LRPPRC: variants seen among roughly 807,000 people sequenced by gnomAD.
The protein encoded by LRPPRC is leucine rich pentatricopeptide repeat containing.
Under a neutral mutation model 180.3 loss-of-function variants are expected in LRPPRC, and 120 were observed. The ratio of observed to expected loss-of-function variants is 0.67; its 90% CI spans 0.57 to 0.77. The LOEUF is 0.77. Ranked by LOEUF, LRPPRC falls within the 30% of genes least tolerant of loss-of-function variation. The pLI, the probability that LRPPRC is intolerant of heterozygous loss-of-function variation, is 0.00. For synonymous variants in LRPPRC, 723 were observed against 600.0 expected (o/e 1.21, Z -3.00); for missense variants, 2,012 against 1,657.2 (o/e 1.21, Z -3.72).
At chr2:43,992,031 C>T (rs903089096) in intron 1 of LRPPRC, among the ~76,000 whole-genome samples, 1 of 152,200 alleles carries the variant, frequency 6.6e-6, no homozygotes, top group African/African-American at 2.4e-5. Context: ...GAGTAAGACA[C>T]AGTATCTGCC....
intron 23 of LRPPRC, among the ~76,000 whole-genome samples, chr2:43,937,823 T>A (rs1009171469): frequency 7.2e-5 from 11 of 152,246 alleles, no homozygotes; most frequent in Admixed American, 2.6e-4. Context: ...ATGAAATCAG[T>A]AAGGGAAGCA....
chr2:43,925,847 C>CAGTA, intron 26 of LRPPRC, 46 bp downstream of exon 26: 1 of 1,275,416 alleles, frequency 7.8e-7, no homozygotes, highest in Non-Finnish European at 1.1e-6. Context: ...CCCTTGCCTT[C>CAGTA]TACTCACACT....
intron 20 of LRPPRC, 78 bp from the exon 21 acceptor site, chr2:43,946,321 G>A: frequency 8.8e-7 from 1 of 1,137,008 alleles, no homozygotes; most frequent in East Asian, 2.4e-5. Flanking sequence ...TTACTGTTCA[G>A]AGTTTAGAAA....
intron 25 of LRPPRC, among the ~76,000 whole-genome samples, chr2:43,933,633 TAAAA>T (rs1294989575): frequency 6.6e-6 from 1 of 152,108 alleles, no homozygotes; most frequent in Non-Finnish European, 1.5e-5. Flanking sequence ...AAAGCCTAGA[TAAAA>T]TATACTAATC....
rs117079932 is a variant in LRPPRC at position 43,993,812 on chromosome 2, G to C, written c.149+1987C>G. On this transcript the variant is annotated intron_variant, in intron 1 of 37. Transcript: ENST00000260665. ...TGTGCCACGAATAAATCTACAGTGG[G>C]ACCGGCATGTTTTGGATTGAGTGTT... is the stretch of plus-strand genomic sequence containing the variant. 1.8e-3 allele frequency among the ~76,000 whole-genome samples: 269 copies of C among 151,964 alleles called. 8 individuals carry two copies. The East Asian group carries it at 0.039, about 22-fold the overall frequency.
chr2:43,943,032 G>C (rs1254478843), intron 23 of LRPPRC, among the ~76,000 whole-genome samples: 1 of 151,930 alleles, frequency 6.6e-6, no homozygotes, highest in Admixed American at 6.6e-5. Flanking sequence ...AATTTAAAAA[G>C]CAAAACAGAA....
intron 32 of LRPPRC, 142 bp from the exon 33 acceptor site, chr2:43,899,747 A>G (rs1670820032): frequency 1.6e-6 from 1 of 630,640 alleles, no homozygotes; most frequent in Non-Finnish European, 2.8e-6. Context: ...AACCAAATAA[A>G]CACTAGGCAA....
rs188719590 is a variant in LRPPRC at position 43,991,115 on chromosome 2, C to T, written c.149+4684G>A. On this transcript the variant is annotated intron_variant, in intron 1 of 37. Transcript: ENST00000260665. ...CCTGATCTCTGCTCACTACAAGCTC[C>T]GCCTCCCAGGTTCATGCCATTCTCC... Among the ~76,000 whole-genome samples, 384 of 151,804 alleles carry T rather than the reference C, an allele frequency of 2.5e-3. 8 individuals are homozygous for T. The highest frequency in any genetic ancestry group is 0.022 in the Admixed American group (331 of 15,222).
chr2:43,929,275 A>T (rs1270350200), intron 25 of LRPPRC, among the ~76,000 whole-genome samples: 1 of 152,218 alleles, frequency 6.6e-6, no homozygotes, highest in African/African-American at 2.4e-5. Context: ...GTTATTCAAA[A>T]TAATTACAGT....
chr2:43,926,196 C>T (rs1397697170), intron 25 of LRPPRC, among the ~76,000 whole-genome samples: 6 of 152,090 alleles, frequency 3.9e-5, no homozygotes, highest in Non-Finnish European at 7.4e-5. Flanking sequence ...TAGAAGAGAG[C>T]ATAAAACACA....
rs1349573478 is a variant in LRPPRC at position 43,934,818 on chromosome 2, T to C, written c.2565A>G (p.Leu855=). The C allele has an allele frequency of 6.2e-7, 1 of 1,611,402 alleles. No individual in the cohort carries two copies. Among genetic ancestry groups the C allele is most frequent in the African/African-American group, 1.3e-5 (1 of 74,884 alleles). ...TACACAAGACATCATGAATCCTTGG[T>C]AATACTTTATACTTTTCATAGCAGT... ...AIDCYEKYKV[L]PRIHDVLCKL... is the part of the protein sequence containing the mutation. Residue 855 remains leucine (L), a synonymous_variant, in exon 24 of 38, where the codon TTA becomes TTG. Coordinates refer to ENST00000260665, the MANE Select transcript of LRPPRC (RefSeq NM_133259.4).
chr2:43,991,002 C>T (rs1395275459), intron 1 of LRPPRC, among the ~76,000 whole-genome samples: 15 of 151,576 alleles, frequency 9.9e-5, no homozygotes, highest in Middle Eastern at 3.4e-3. Context: ...TGGGCCACCA[C>T]GCCTGGCTAA....
chr2:43,938,847 T>C (rs1473028477), intron 23 of LRPPRC, among the ~76,000 whole-genome samples: 3 of 152,268 alleles, frequency 2.0e-5, no homozygotes, highest in Admixed American at 2.0e-4. Context: ...ATCATAAATG[T>C]ATTTCATACA....
chr2:43,964,023 C>T (rs1405485648), intron 11 of LRPPRC, among the ~76,000 whole-genome samples: 1 of 152,144 alleles, frequency 6.6e-6, no homozygotes, highest in African/African-American at 2.4e-5. Context: ...TACAACACTG[C>T]TATTATAGAG....
At chr2:43,978,330 A>C (rs1311122935) in intron 3 of LRPPRC, among the ~76,000 whole-genome samples, 4 of 152,162 alleles carry the variant, frequency 2.6e-5, no homozygotes, top group Non-Finnish European at 5.9e-5. Flanking sequence ...ATTATACACA[A>C]AGCATCATGC....
intron 25 of LRPPRC, among the ~76,000 whole-genome samples, chr2:43,928,167 AACC>A (rs1324543116): frequency 2.0e-5 from 3 of 152,244 alleles, no homozygotes; most frequent in African/African-American, 7.2e-5. Context: ...CTGTGCTTCA[AACC>A]ACAACTTTCT....
intron 20 of LRPPRC, among the ~76,000 whole-genome samples, chr2:43,946,894 T>G (rs1672699957): frequency 6.6e-6 from 1 of 152,070 alleles, no homozygotes; most frequent in African/African-American, 2.4e-5. Context: ...GGAATTTCAA[T>G]CCCTGCATTA....
Position 43,974,216 on chromosome 2 carries a change from T to C in LRPPRC, c.1089A>G (p.Val363=). The C allele has an allele frequency of 1.9e-6, 3 of 1,612,090 alleles. No individual in the cohort carries two copies. Among genetic ancestry groups the C allele is most frequent in the Non-Finnish European group, 2.5e-6 (3 of 1,178,110 alleles). Residue 363 remains valine (V), a synonymous_variant, in exon 9 of 38, where the codon GTA becomes GTG. Coordinates refer to ENST00000260665, the MANE Select transcript of LRPPRC (RefSeq NM_133259.4). ...AGACACTTGGGCCATCTTCCTTTGA[T>C]ACGGGGCATGCTAGTAAAATTTGCA... ...VALQILLACP[V]SKEDGPSVFG...
intron 1 of LRPPRC, among the ~76,000 whole-genome samples, chr2:43,995,197 C>T (rs1674975076): frequency 2.0e-5 from 3 of 152,126 alleles, no homozygotes; most frequent in Admixed American, 2.0e-4. Flanking sequence ...GCTGAGATCG[C>T]GCCACTGCAC....
Sources: allele counts gnomAD v4.1 joint callset (sites outside exome capture counted in the v4.1 genomes callset), GRCh38; gene constraint gnomAD v4.1.1; transcripts MANE v1.5; gene names NCBI Gene and HGNC (gene_info 2026-07-23, HGNC 2026-07-21).